Variants in PCDHA4 observed in about 807,000 individuals in gnomAD.
PCDHA4 encodes protocadherin alpha 4, also known as protocadherin alpha-4.
A neutral mutation model predicts 61.4 loss-of-function variants in PCDHA4; 49 were observed. The ratio of observed to expected loss-of-function variants is 0.80; its 90% CI spans 0.63 to 1.01. The LOEUF (loss-of-function observed/expected upper bound fraction) is 1.01. Among genes scored for constraint, PCDHA4 ranks in the 50% least tolerant of loss-of-function variants. The pLI, the probability that PCDHA4 is intolerant of heterozygous loss-of-function variation, is 0.00. For synonymous variants in PCDHA4, 590 were observed against 550.3 expected, an observed-to-expected ratio of 1.07 and a Z score of -1.01; for missense variants, 1,254 against 1,235.8, an observed-to-expected ratio of 1.01 and a Z score of -0.22.
intron 1 of PCDHA4, among the ~76,000 whole-genome samples, chr5:140,934,913 G>A (rs1226804104): frequency 1.3e-5 from 2 of 152,062 alleles, no homozygotes; most frequent in African/African-American, 4.8e-5. Flanking sequence ...GAATAATTAT[G>A]GATTCACATA....
intron 3 of PCDHA4, among the ~76,000 whole-genome samples, chr5:140,988,083 G>A (rs957131929): frequency 1.3e-5 from 2 of 152,292 alleles, no homozygotes; most frequent in Middle Eastern, 3.4e-3. Context: ...TCATGAGTGA[G>A]TGCAGCCTCG....
intron 1 of PCDHA4, chr5:140,829,715 G>T (rs553935345): frequency 6.2e-7 from 1 of 1,613,468 alleles, no homozygotes; most frequent in Admixed American, 1.7e-5. Flanking sequence ...CGACGCGGGC[G>T]TGCCGCCTCT....
chr5:140,842,387 T>A lies in PCDHA4; in HGVS notation c.2385+32815T>A, dbSNP rs2150335066. On this transcript the variant is annotated intron_variant, in intron 1 of 3. Coordinates refer to ENST00000530339, the MANE Select transcript of PCDHA4 (RefSeq NM_018907.4). ...CCCTGAGATAGCACTGACTTCCTTA[T>A]CCTTGCCTGTACGTGAAGACGCTCA... The A allele has an allele frequency of 8.7e-6, 14 of 1,611,016 alleles. 1 individual carries two copies. The South Asian group carries it at 1.4e-4, about 16-fold the overall frequency.
intron 3 of PCDHA4, among the ~76,000 whole-genome samples, chr5:140,995,389 G>T (rs1377788418): frequency 6.6e-6 from 1 of 152,190 alleles, no homozygotes; most frequent in Non-Finnish European, 1.5e-5. Context: ...GCAGGATAAA[G>T]CGGGATGGCT....
At chr5:140,875,516 T>G in intron 1 of PCDHA4, 1 of 1,613,976 alleles carries the variant, frequency 6.2e-7, no homozygotes, top group Non-Finnish European at 8.5e-7. Context: ...CAGCGTCTGC[T>G]GCTCTCGCTT....
intron 1 of PCDHA4, chr5:140,966,476 C>G: frequency 2.3e-6 from 1 of 432,972 alleles, no homozygotes; most frequent in Non-Finnish European, 4.0e-6. Flanking sequence ...CTTCTGTTTC[C>G]TTTTCCCTCC....
intron 1 of PCDHA4, among the ~76,000 whole-genome samples, chr5:140,973,235 A>C (rs1390895303): frequency 6.6e-6 from 1 of 152,218 alleles, no homozygotes; most frequent in Non-Finnish European, 1.5e-5. Context: ...GTGACCTGAA[A>C]GAGTTAATTC....
chr5:140,918,991 G>A (rs1453656237), intron 1 of PCDHA4, among the ~76,000 whole-genome samples: 2 of 152,184 alleles, frequency 1.3e-5, no homozygotes, highest in African/African-American at 4.8e-5. Flanking sequence ...GGTTTTTAGT[G>A]TTGTTCACAT....
chr5:140,823,298 C>T (rs2150124408), intron 1 of PCDHA4: 1 of 1,612,332 alleles, frequency 6.2e-7, no homozygotes, highest in Non-Finnish European at 8.5e-7. Flanking sequence ...AGTTACGTTT[C>T]GGTGCACGCG....
intron 1 of PCDHA4, chr5:140,866,356 A>G (rs1554160259): frequency 6.6e-6 from 1 of 152,172 alleles, no homozygotes; most frequent in African/African-American, 2.4e-5. Flanking sequence ...AAATGTTTAC[A>G]ATATTGCATA....
rs1045998593 is a variant in PCDHA4, at chr5:140,838,449, A to G, written c.2385+28877A>G. On this transcript the variant is annotated intron_variant, in intron 1 of 3. Coordinates refer to ENST00000530339, the MANE Select transcript of PCDHA4 (RefSeq NM_018907.4). ...TAAATTATATATTGGGTTTTGTGGC[A>G]TATTATTTCATTAGCGCTTATTCCT... 3.3e-5 allele frequency among the ~76,000 whole-genome samples: 5 copies of G among 151,718 alleles called. No individual in the cohort carries two copies. The East Asian group carries it at 9.7e-4, about 29-fold the overall frequency.
At chr5:140,967,315 G>A (rs1554229427) in intron 1 of PCDHA4, 1 of 1,610,854 alleles carries the variant, frequency 6.2e-7, no homozygotes, top group African/African-American at 1.3e-5. Context: ...ACTCAGTACA[G>A]ACCTACGAGC....
At chr5:140,982,816 G>A (rs970352633) in intron 3 of PCDHA4, among the ~76,000 whole-genome samples, 9 of 151,630 alleles carry the variant, frequency 5.9e-5, no homozygotes, top group Non-Finnish European at 1.0e-4. Flanking sequence ...TGTGTATGAA[G>A]TTTTTGGGGT....
chr5:141,003,322 G>A (rs1588017257), intron 3 of PCDHA4, among the ~76,000 whole-genome samples: 1 of 152,242 alleles, frequency 6.6e-6, no homozygotes, highest in East Asian at 1.9e-4. Flanking sequence ...ACTTCCAGAG[G>A]GCAGGGTTTT....
At chr5:140,883,597 G>T (rs2059691205) in intron 1 of PCDHA4, 3 of 1,614,004 alleles carry the variant, frequency 1.9e-6, no homozygotes, top group Middle Eastern at 1.7e-4. Context: ...GCGTGTCGGT[G>T]GGGGTGGCCG....
chr5:140,970,427 GGTGTTA>G (rs1442614278), intron 1 of PCDHA4, among the ~76,000 whole-genome samples: 6 of 152,192 alleles, frequency 3.9e-5, no homozygotes, highest in Admixed American at 3.3e-4. Context: ...TGTAGAGGCA[GGTGTTA>G]GTATATGCAC....
chr5:140,857,042 C>A, intron 1 of PCDHA4: 1 of 1,595,550 alleles, frequency 6.3e-7, no homozygotes, highest in South Asian at 1.1e-5. Flanking sequence ...TATGGTTGGT[C>A]ACTGCACGGT....
intron 1 of PCDHA4, among the ~76,000 whole-genome samples, chr5:140,913,939 A>G (rs1175115466): frequency 1.3e-5 from 2 of 152,116 alleles, no homozygotes. Flanking sequence ...TCAGAGAAGA[A>G]TCTTGATATG....
chr5:140,979,074 C>T, intron 2 of PCDHA4, 67 bp downstream of exon 2: 4 of 1,583,968 alleles, frequency 2.5e-6, no homozygotes, highest in Non-Finnish European at 2.6e-6. Context: ...TAAACTGCAT[C>T]TCCATAGGCC....
Sources: gnomAD v4.1 joint callset for allele counts (sites outside exome capture counted in the v4.1 genomes callset) on GRCh38, gnomAD v4.1.1 for gene constraint, MANE v1.5 for transcripts, NCBI Gene and HGNC (gene_info 2026-07-23, HGNC 2026-07-21) for gene names.